Variants in RBMS3 observed in about 807,000 individuals in gnomAD.
The protein encoded by RBMS3 is RNA-binding motif, single-stranded-interacting protein 3.
Under a neutral mutation model 66.8 loss-of-function variants are expected in RBMS3, and 27 were observed. That is an observed-to-expected ratio of 0.40 (90% CI 0.30 to 0.56). The LOEUF (loss-of-function observed/expected upper bound fraction) is 0.56, where lower values mean the gene tolerates loss of function less well. RBMS3 is among the 20% of genes least tolerant of loss of function. The pLI, the probability that RBMS3 is intolerant of heterozygous loss-of-function variation, is 0.40. For synonymous variants in RBMS3, 188 were observed against 183.0 expected, an observed-to-expected ratio of 1.03 and a Z score of -0.22; for missense variants, 513 against 549.5, an observed-to-expected ratio of 0.93 and a Z score of 0.66.
chr3:29,838,978 C>T (rs971955472), intron 6 of RBMS3, among the ~76,000 whole-genome samples: 3 of 152,146 alleles, frequency 2.0e-5, no homozygotes, highest in African/African-American at 7.2e-5. Context: ...GCCAGGGGGA[C>T]AGCTTCTATT....
At chr3:29,781,914 A>T (rs958959942) in intron 6 of RBMS3, among the ~76,000 whole-genome samples, 2 of 151,958 alleles carry the variant, frequency 1.3e-5, no homozygotes, top group South Asian at 2.1e-4. Flanking sequence ...GGCAGCCACA[A>T]TCCCCCCGGG....
At position 29,282,930 on chromosome 3, in the gene RBMS3, T is replaced by G. The variant is rs535534368; in HGVS notation, c.75+1174T>G. On this transcript the variant is annotated intron_variant, in intron 1 of 14. Coordinates refer to ENST00000383767, the MANE Select transcript of RBMS3 (RefSeq NM_001003793.3). ...TTATACAAAAGATTATTGCTTTGTT[T>G]TTTTCTTTTTCAATTGCTTTGTAAT... Among the ~76,000 whole-genome samples, 3 of 152,276 alleles carry G rather than the reference T, an allele frequency of 2.0e-5. No individual in the cohort carries two copies. In the South Asian group the frequency reaches 6.2e-4, roughly 32 times the overall value.
At chr3:29,592,857 A>G (rs1576316390) in intron 4 of RBMS3, among the ~76,000 whole-genome samples, 1 of 152,054 alleles carries the variant, frequency 6.6e-6, no homozygotes, top group East Asian at 1.9e-4. Flanking sequence ...TGTCCTTTGT[A>G]GGGACATGGA....
intron 4 of RBMS3, chr3:29,617,173 T>G (rs1422863763): frequency 2.6e-5 from 4 of 152,246 alleles, no homozygotes; most frequent in Admixed American, 6.5e-5. Flanking sequence ...AAGACTATAC[T>G]GCCTGTTGGG....
intron 12 of RBMS3, among the ~76,000 whole-genome samples, chr3:29,973,581 C>T (rs557770901): frequency 3.0e-4 from 46 of 152,004 alleles, no homozygotes; most frequent in African/African-American, 1.1e-3. Context: ...GGGATTTAAA[C>T]GTTTCTGACT....
At chr3:29,694,379 A>G (rs776195468) in intron 4 of RBMS3, among the ~76,000 whole-genome samples, 7 of 152,208 alleles carry the variant, frequency 4.6e-5, no homozygotes, top group Admixed American at 1.3e-4. Context: ...TTGAGGGAAC[A>G]TGTCCTATTG....
At chr3:29,328,128 A>G (rs546097143) in intron 1 of RBMS3, among the ~76,000 whole-genome samples, 2 of 152,278 alleles carry the variant, frequency 1.3e-5, no homozygotes, top group African/African-American at 4.8e-5. Flanking sequence ...ACTTCCTTCA[A>G]CTGTTTGCAG....
intron 3 of RBMS3, among the ~76,000 whole-genome samples, chr3:29,492,421 G>T (rs186233403): frequency 6.6e-6 from 1 of 152,226 alleles, no homozygotes; most frequent in African/African-American, 2.4e-5. Context: ...TCATGGAAAG[G>T]TTCAAGGAAC....
intron 14 of RBMS3, among the ~76,000 whole-genome samples, chr3:29,995,570 C>T (rs199564585): frequency 0.085 from 11,654 of 136,396 alleles, 842 homozygotes; most frequent in Middle Eastern, 0.12. Context: ...GATCTCTCAG[C>T]AGAAACTCTA....
At chr3:29,632,954 G>A (rs966343755) in intron 4 of RBMS3, among the ~76,000 whole-genome samples, 22 of 151,928 alleles carry the variant, frequency 1.4e-4, no homozygotes, top group African/African-American at 5.3e-4. Flanking sequence ...ATAAGGTTTA[G>A]TATGTGCTAA....
intron 3 of RBMS3, among the ~76,000 whole-genome samples, chr3:29,524,815 G>A (rs529720601): frequency 6.6e-6 from 1 of 152,210 alleles, no homozygotes; most frequent in East Asian, 1.9e-4. Context: ...CACTTTGGGA[G>A]GCTGAGGTGG....
chr3:29,747,277 T>C (rs1460836579), intron 5 of RBMS3, among the ~76,000 whole-genome samples: 1 of 152,200 alleles, frequency 6.6e-6, no homozygotes, highest in Non-Finnish European at 1.5e-5. Context: ...ATAACTTAGC[T>C]TACATCTTAG....
chr3:29,338,488 A>G (rs569238136), intron 1 of RBMS3, among the ~76,000 whole-genome samples: 68 of 152,312 alleles, frequency 4.5e-4, no homozygotes, highest in African/African-American at 1.6e-3. Context: ...TTTTAGCTCC[A>G]TCTGGGAACT....
intron 4 of RBMS3, among the ~76,000 whole-genome samples, chr3:29,672,614 A>G (rs2051053207): frequency 6.6e-6 from 1 of 152,016 alleles, no homozygotes; most frequent in African/African-American, 2.4e-5. Context: ...AATGGAAAAC[A>G]AAAAAAAGCA....
At chr3:29,399,621 T>C (rs2039715611) in intron 1 of RBMS3, among the ~76,000 whole-genome samples, 1 of 152,184 alleles carries the variant, frequency 6.6e-6, no homozygotes, top group South Asian at 2.1e-4. Flanking sequence ...GTCCTGAATT[T>C]TGCCCATGTT....
chr3:29,777,957 G>A (rs935330388), intron 6 of RBMS3, among the ~76,000 whole-genome samples: 2 of 151,848 alleles, frequency 1.3e-5, no homozygotes, highest in African/African-American at 2.4e-5. Context: ...CCTTTACATT[G>A]ATTTGAAGTG....
intron 3 of RBMS3, among the ~76,000 whole-genome samples, chr3:29,491,923 G>C (rs2043561252): frequency 1.3e-5 from 2 of 152,120 alleles, no homozygotes; most frequent in African/African-American, 4.8e-5. Context: ...AACCCAGGAG[G>C]CGGAGCTTGC....
At chr3:29,652,151 G>A (rs892349528) in intron 4 of RBMS3, among the ~76,000 whole-genome samples, 4 of 152,046 alleles carry the variant, frequency 2.6e-5, no homozygotes, top group Admixed American at 6.6e-5. Flanking sequence ...AAATTTCAAC[G>A]TGTTGGCAAA....
At chr3:29,966,308 T>C (rs1465052614) in intron 12 of RBMS3, among the ~76,000 whole-genome samples, 1 of 152,210 alleles carries the variant, frequency 6.6e-6, no homozygotes, top group African/African-American at 2.4e-5. Flanking sequence ...TTTGGCAGTA[T>C]GGTCATTTTC....
Sources: allele counts gnomAD v4.1 joint callset (sites outside exome capture counted in the v4.1 genomes callset), GRCh38; gene constraint gnomAD v4.1.1; transcripts MANE v1.5; gene names NCBI Gene and HGNC (gene_info 2026-07-23, HGNC 2026-07-21).